The following EYS variants were observed in gnomAD, a reference collection of about 807,000 sequenced individuals.
EYS encodes EGF-like photoreceptor maintenance factor, also known as protein eyes shut homolog.
Under a neutral mutation model 282.1 loss-of-function variants are expected in EYS, and 250 were observed. The observed-to-expected ratio is 0.89, with a 90% CI of 0.80 to 0.98. EYS has a LOEUF of 0.98. EYS is among the 50% of genes least tolerant of loss of function. EYS has a pLI of 0.00. For missense variants in EYS, 4,016 were observed against 3,709.0 expected (o/e 1.08, Z -2.15); for synonymous variants, 1,355 against 1,282.9 (o/e 1.06, Z -1.20).
At chr6:64,059,550 A>T (rs373225875) in intron 33 of EYS, among the ~76,000 whole-genome samples, 31 of 152,206 alleles carry the variant, frequency 2.0e-4, no homozygotes, top group African/African-American at 7.2e-4. Flanking sequence ...GAATCAATAA[A>T]CACCAAACTA....
chr6:65,504,997 T>G (rs1383945198), intron 2 of EYS, among the ~76,000 whole-genome samples: 1 of 151,890 alleles, frequency 6.6e-6, no homozygotes, highest in Non-Finnish European at 1.5e-5. Flanking sequence ...ATCATTTCTT[T>G]CTTTCACATT....
intron 2 of EYS, among the ~76,000 whole-genome samples, chr6:65,519,058 C>T (rs1006738432): frequency 1.3e-5 from 2 of 152,004 alleles, no homozygotes; most frequent in Non-Finnish European, 2.9e-5. Flanking sequence ...AAAAATGATT[C>T]TTGTGTGTTC....
intron 1 of EYS, among the ~76,000 whole-genome samples, chr6:65,659,601 C>T (rs750999291): frequency 1.8e-4 from 27 of 151,464 alleles, no homozygotes; most frequent in African/African-American, 3.4e-4. Context: ...AAAAGAATCA[C>T]GAGGAGAACT....
intron 22 of EYS, among the ~76,000 whole-genome samples, chr6:64,700,700 T>A (rs1010213578): frequency 6.6e-6 from 1 of 151,972 alleles, no homozygotes; most frequent in Non-Finnish European, 1.5e-5. Flanking sequence ...AAAATTACAT[T>A]ACACTGATGA....
intron 12 of EYS, among the ~76,000 whole-genome samples, chr6:65,205,925 C>CA (rs1448623009): frequency 6.6e-6 from 1 of 151,768 alleles, no homozygotes; most frequent in African/African-American, 2.4e-5. Flanking sequence ...TAAGTCCCTA[C>CA]ATCAAAAAGA....
chr6:64,232,217 T>A (rs1360553589), intron 30 of EYS, among the ~76,000 whole-genome samples: 1 of 152,210 alleles, frequency 6.6e-6, no homozygotes, highest in Non-Finnish European at 1.5e-5. Context: ...CCTGCTTTTC[T>A]TTCCTCTGGA....
At chr6:65,030,129 A>G (rs1772550920) in intron 13 of EYS, among the ~76,000 whole-genome samples, 1 of 152,156 alleles carries the variant, frequency 6.6e-6, no homozygotes, top group African/African-American at 2.4e-5. Flanking sequence ...CATTCCCCGA[A>G]GTGTCTGTAG....
intron 12 of EYS, among the ~76,000 whole-genome samples, chr6:65,197,896 A>G (rs779625341): frequency 1.3e-5 from 2 of 152,102 alleles, no homozygotes; most frequent in Non-Finnish European, 2.9e-5. Context: ...TTGGTTTTAT[A>G]AACACTACAT....
chr6:64,279,258 C>T (rs1160595286), intron 30 of EYS, among the ~76,000 whole-genome samples: 1 of 152,130 alleles, frequency 6.6e-6, no homozygotes, highest in Admixed American at 6.6e-5. Flanking sequence ...GCTGTTTTTA[C>T]TCAGCAAAAA....
At chr6:64,748,543 G>A (rs1772634806) in intron 22 of EYS, among the ~76,000 whole-genome samples, 1 of 152,170 alleles carries the variant, frequency 6.6e-6, no homozygotes, top group African/African-American at 2.4e-5. Context: ...TTAACCTAAA[G>A]AAAGTTCAAT....
Position 65,262,867 on chromosome 6 carries a change from T to G in EYS, c.2023+32996A>C, listed in dbSNP as rs535704613. 7.9e-4 allele frequency among the ~76,000 whole-genome samples: 120 copies of G among 152,110 alleles called. 2 individuals are homozygous for G. The highest frequency in any genetic ancestry group is 5.6e-3 in the South Asian group (27 of 4,830). Reference sequence around the variant, plus strand: ...TAATTGGTGGACTCTATTCAGTAACTGTCCATCATATAGATCATCTTGCTT... The same window carrying G: ...TAATTGGTGGACTCTATTCAGTAACGGTCCATCATATAGATCATCTTGCTT... On this transcript the variant is annotated intron_variant, in intron 12 of 42. Transcript: ENST00000503581.
At chr6:63,932,896 C>T (rs193060908) in intron 35 of EYS, among the ~76,000 whole-genome samples, 2 of 152,360 alleles carry the variant, frequency 1.3e-5, no homozygotes, top group African/African-American at 4.8e-5. Context: ...ATGCCAGTCA[C>T]AAGCACAGGC....
At chr6:64,882,169 G>A (rs1766945686) in intron 19 of EYS, among the ~76,000 whole-genome samples, 1 of 151,554 alleles carries the variant, frequency 6.6e-6, no homozygotes, top group Non-Finnish European at 1.5e-5. Flanking sequence ...CAAATACCAG[G>A]GACAATGTCT....
intron 21 of EYS, chr6:64,815,228 C>T (rs1390272): frequency 0.52 from 235,995 of 457,754 alleles, 63,734 homozygotes; most frequent in Admixed American, 0.71. Context: ...TTGCTGAAAA[C>T]GTGAACTTGT....
Position 64,695,683 on chromosome 6 carries a change from C to A in EYS, c.3444-69438G>T, listed in dbSNP as rs1268407047. Among the ~76,000 whole-genome samples the A allele has an allele frequency of 2.7e-5, 4 of 150,278 alleles. No individual in the cohort carries two copies. The East Asian group carries it at 7.9e-4, about 30-fold the overall frequency. ...CACTGCAACCTCCTTCTCCCGGGTT[C>A]AAGTGATTCTCCTGCATCAGCCTCA... On this transcript the variant is annotated intron_variant, in intron 22 of 42. Coordinates refer to ENST00000503581, the MANE Select transcript of EYS (RefSeq NM_001142800.2).
intron 9 of EYS, among the ~76,000 whole-genome samples, chr6:65,348,125 T>C (rs757783520): frequency 1.6e-4 from 25 of 151,714 alleles, no homozygotes; most frequent in Non-Finnish European, 3.2e-4. Flanking sequence ...CCCTTACTCA[T>C]TCATCTGTTG....
chr6:64,189,302 T>C (rs940629241), intron 31 of EYS, among the ~76,000 whole-genome samples: 5 of 152,230 alleles, frequency 3.3e-5, no homozygotes, highest in Admixed American at 6.5e-5. Flanking sequence ...GCCCACCATC[T>C]GGTTTTGCAT....
chr6:63,762,763 A>T (rs997292191), intron 40 of EYS, 130 bp from the exon 41 acceptor site: 1 of 862,832 alleles, frequency 1.2e-6, no homozygotes, highest in South Asian at 1.9e-5. Context: ...TGTGATTCAA[A>T]CCCTAAATTG....
chr6:64,087,282 T>C (rs1772187585), intron 31 of EYS, among the ~76,000 whole-genome samples: 1 of 152,112 alleles, frequency 6.6e-6, no homozygotes, highest in Non-Finnish European at 1.5e-5. Context: ...CAAATACTCA[T>C]CAGGGAATAC....
Sources: allele counts gnomAD v4.1 joint callset (sites outside exome capture counted in the v4.1 genomes callset), GRCh38; gene constraint gnomAD v4.1.1; transcripts MANE v1.5; gene names NCBI Gene and HGNC (gene_info 2026-07-23, HGNC 2026-07-21).